Variants in LMTK2 observed in about 807,000 individuals in gnomAD.
The protein encoded by LMTK2 is serine/threonine-protein kinase LMTK2.
In LMTK2, 37 loss-of-function variants were observed where a neutral mutation model predicts 127.5. That is an observed-to-expected ratio of 0.29 (90% CI 0.22 to 0.38). The LOEUF (loss-of-function observed/expected upper bound fraction) is 0.38. Among genes scored for constraint, LMTK2 ranks in the 10% least tolerant of loss-of-function variants. The pLI is 1.00. For synonymous variants in LMTK2, 819 were observed against 810.1 expected, an observed-to-expected ratio of 1.01 and a Z score of -0.19; for missense variants, 1,694 against 1,920.3, an observed-to-expected ratio of 0.88 and a Z score of 2.20.
At chr7:98,198,007 T>C (rs1562923533) in intron 11 of LMTK2, among the ~76,000 whole-genome samples, 1 of 152,232 alleles carries the variant, frequency 6.6e-6, no homozygotes, top group Non-Finnish European at 1.5e-5. Context: ...CCTTCTCTGA[T>C]AGTGTTTGGA....
intron 1 of LMTK2, among the ~76,000 whole-genome samples, 182 bp downstream of exon 1, chr7:98,107,462 C>G (rs1796128970): frequency 1.2e-5 from 1 of 84,698 alleles, no homozygotes; most frequent in Admixed American, 1.8e-4. Context: ...GGGGCGGGAG[C>G]GAGGCGACGT....
chr7:98,152,961 CTG>C (rs1796878572), intron 4 of LMTK2, among the ~76,000 whole-genome samples: 1 of 152,020 alleles, frequency 6.6e-6, no homozygotes, highest in African/African-American at 2.4e-5. Context: ...AAGACATGGA[CTG>C]TGGAGGAAGA....
chr7:98,203,567 T>A lies in LMTK2; in HGVS notation c.4108-7T>A. The A allele has an allele frequency of 3.2e-6, 5 of 1,579,124 alleles. No homozygotes were observed. The highest frequency in any genetic ancestry group is 4.3e-6 in the Non-Finnish European group (5 of 1,169,158). On this transcript the variant is annotated splice_region_variant and splice_polypyrimidine_tract_variant and intron_variant, in intron 11 of 13. Coordinates refer to ENST00000297293, the MANE Select transcript of LMTK2 (RefSeq NM_014916.4). ...TTGCTGACAGGAGTTTCTGTTTGAC[T>A]TTTCAGGAGACCCCAACCAAAGAGC...
At chr7:98,179,645 C>T (rs997761706) in intron 7 of LMTK2, among the ~76,000 whole-genome samples, 11 of 133,922 alleles carry the variant, frequency 8.2e-5, no homozygotes, top group African/African-American at 2.8e-4. Context: ...CTCCCTCCCT[C>T]TCTCCCTTGC....
rs185750494 is a variant in LMTK2 at position 98,178,236 on chromosome 7, T to A, written c.791+6562T>A. Among the ~76,000 whole-genome samples, 248 of 152,328 alleles carry A rather than the reference T, an allele frequency of 1.6e-3. 1 individual carries two copies. The highest frequency in any genetic ancestry group is 9.3e-4 in the Non-Finnish European group (63 of 68,022). ...AACTCTTCTTATCAGGAATCCAGAT[T>A]ACTCGGGAAAGCATAAGTAGTTCAC... On this transcript the variant is annotated intron_variant, in intron 7 of 13. Transcript: ENST00000297293.
At chr7:98,201,447 T>G (rs935550506) in intron 11 of LMTK2, among the ~76,000 whole-genome samples, 2 of 152,072 alleles carry the variant, frequency 1.3e-5, no homozygotes, top group African/African-American at 4.8e-5. Flanking sequence ...GCTCAAAAGG[T>G]TTTGGATTTT....
In LMTK2 at chr7:98,137,449, A is replaced by C. The variant is rs375248392; in HGVS notation, c.231+7A>C. The C allele has an allele frequency of 2.7e-5, 44 of 1,610,382 alleles. No individual in the cohort carries two copies. Among genetic ancestry groups the C allele is most frequent in the Non-Finnish European group, 3.4e-5 (40 of 1,178,824 alleles). On this transcript the variant is annotated splice_region_variant and intron_variant, in intron 2 of 13. Transcript: ENST00000297293. ...CCCAGAAATAGACTTTAAGGTGAGC[A>C]CAGAGGGTAGGAACATTTAAAATGG...
chr7:98,111,525 C>T (rs997428272), intron 1 of LMTK2, among the ~76,000 whole-genome samples: 17 of 152,064 alleles, frequency 1.1e-4, no homozygotes, highest in African/African-American at 3.1e-4. Context: ...CCTTGGCTGC[C>T]GCTGGAATAG....
At chr7:98,160,669 A>G (rs1000503248) in intron 6 of LMTK2, among the ~76,000 whole-genome samples, 2 of 151,838 alleles carry the variant, frequency 1.3e-5, no homozygotes, top group Admixed American at 1.3e-4. Flanking sequence ...GATTTGGGGG[A>G]AGGAGTGTGG....
chr7:98,121,513 G>A (rs2116330824), intron 1 of LMTK2, among the ~76,000 whole-genome samples: 1 of 151,618 alleles, frequency 6.6e-6, no homozygotes, highest in South Asian at 2.1e-4. Context: ...TGCACCTTTA[G>A]TCCCAGCAAC....
Position 98,141,566 on chromosome 7 carries a change from C to T in LMTK2, c.376+25C>T, listed in dbSNP as rs371824063. The stretch of plus-strand genomic sequence containing the variant: ...GGTAAGACCATACAGCCTAATGCCA[C>T]GTTTTCATGAATTGTTTCTGAGATC... On this transcript the variant is annotated intron_variant, in intron 3 of 13. Coordinates refer to ENST00000297293, the MANE Select transcript of LMTK2 (RefSeq NM_014916.4). 120 of 1,602,284 alleles carry T rather than the reference C, an allele frequency of 7.5e-5. No homozygotes were observed. In the Admixed American group the frequency reaches 1.2e-3, roughly 15 times the overall value.
intron 7 of LMTK2, among the ~76,000 whole-genome samples, chr7:98,184,097 GGTGACTTGCAAGATCCAAGTGCCCT>G (rs1797394173): frequency 1.3e-5 from 2 of 152,142 alleles, no homozygotes; most frequent in African/African-American, 4.8e-5. Context: ...GGGCCAAGCG[GGTGACTTGCAAGATCCAAGTGCCCT>G]GTTCAACCCT....
chr7:98,137,262 A>G, intron 1 of LMTK2, 53 bp from the exon 2 acceptor site: 4 of 1,542,098 alleles, frequency 2.6e-6, no homozygotes, highest in Non-Finnish European at 3.5e-6. Context: ...TTCACTAATT[A>G]AAGTTGATTT....
At chr7:98,130,281 G>A (rs774296901) in intron 1 of LMTK2, among the ~76,000 whole-genome samples, 1 of 152,084 alleles carries the variant, frequency 6.6e-6, no homozygotes, top group Admixed American at 6.5e-5. Context: ...TAAAGATGGC[G>A]AGAAGCTGGG....
At chr7:98,164,101 T>C (rs1163974330) in intron 6 of LMTK2, among the ~76,000 whole-genome samples, 1 of 152,222 alleles carries the variant, frequency 6.6e-6, no homozygotes, top group Non-Finnish European at 1.5e-5. Flanking sequence ...TCATGGAATT[T>C]TTATGAAAGT....
At chr7:98,154,642 G>A (rs1253453682) in intron 4 of LMTK2, 116 bp from the exon 5 acceptor site, 1 of 671,200 alleles carries the variant, frequency 1.5e-6, no homozygotes, top group African/African-American at 1.8e-5. Flanking sequence ...TAAAAGAATA[G>A]AAGGTCACCT....
Position 98,117,657 on chromosome 7 carries a change from G to C in LMTK2, c.103+10377G>C, listed in dbSNP as rs184585416. On this transcript the variant is annotated intron_variant, in intron 1 of 13. Transcript: ENST00000297293. ...TCAAGGAGCTCTGGTTCCTCTGATT[G>C]GAGAGTGATATGAGAAACCAAGATC... Among the ~76,000 whole-genome samples, 6 of 152,234 alleles carry C rather than the reference G, an allele frequency of 3.9e-5. No homozygotes were observed. In the East Asian group the frequency reaches 1.2e-3, roughly 29 times the overall value.
At chr7:98,157,234 A>G (rs1796937382) in intron 5 of LMTK2, among the ~76,000 whole-genome samples, 1 of 149,560 alleles carries the variant, frequency 6.7e-6, no homozygotes, top group African/African-American at 2.5e-5. Flanking sequence ...CTTGGATGAC[A>G]GAGTGAGACC....
chr7:98,120,879 G>A (rs1584245550), intron 1 of LMTK2, among the ~76,000 whole-genome samples: 1 of 152,294 alleles, frequency 6.6e-6, no homozygotes, highest in East Asian at 1.9e-4. Context: ...CACTCTCCCA[G>A]AGGCCTGCCA....
Sources: allele counts gnomAD v4.1 joint callset (sites outside exome capture counted in the v4.1 genomes callset), GRCh38; gene constraint gnomAD v4.1.1; transcripts MANE v1.5; gene names NCBI Gene and HGNC (gene_info 2026-07-23, HGNC 2026-07-21).